The following MTR variants were observed in gnomAD, a reference collection of about 807,000 sequenced individuals.
The protein encoded by MTR is 5-methyltetrahydrofolate-homocysteine methyltransferase, also known as methionine synthase.
In MTR, 84 loss-of-function variants were observed where a neutral mutation model predicts 154.8. The observed-to-expected ratio is 0.54, with a 90% CI of 0.45 to 0.65. The LOEUF is 0.65. Among genes scored for constraint, MTR ranks in the 30% least tolerant of loss-of-function variants. The probability of loss-of-function intolerance (pLI) is 0.00; values close to 1 mark genes in which losing one functional copy is unlikely to be tolerated. For missense variants in MTR, 1,275 were observed against 1,570.2 expected, an observed-to-expected ratio of 0.81 and a Z score of 3.18; for synonymous variants, 554 against 553.9, an observed-to-expected ratio of 1.00 and a Z score of 0.00.
chr1:236,829,984 C>T (rs1430360474), intron 12 of MTR, among the ~76,000 whole-genome samples: 1 of 152,112 alleles, frequency 6.6e-6, no homozygotes, highest in African/African-American at 2.4e-5. Flanking sequence ...GAATTATGTT[C>T]CCTAATAGCT....
chr1:236,808,430 G>A (rs1661109034), intron 3 of MTR, among the ~76,000 whole-genome samples: 1 of 152,108 alleles, frequency 6.6e-6, no homozygotes, highest in Non-Finnish European at 1.5e-5. Flanking sequence ...GTTATTCTCT[G>A]ACATGCTAGA....
chr1:236,829,377 A>G, intron 12 of MTR, 109 bp downstream of exon 12: 1 of 906,004 alleles, frequency 1.1e-6, no homozygotes, highest in Non-Finnish European at 1.9e-6. Context: ...TAGGTCGAAG[A>G]AGAATCCATA....
intron 25 of MTR, 102 bp from the exon 26 acceptor site, chr1:236,885,019 T>C (rs1281027005): frequency 5.2e-6 from 4 of 772,900 alleles, no homozygotes; most frequent in African/African-American, 1.7e-5. Context: ...GGAGAAGAAA[T>C]GAAGTTAAGG....
In MTR at chr1:236,815,775, T is replaced by A. The variant is rs950229690; in HGVS notation, c.669+112T>A. Reference sequence around the variant, plus strand: ...CTATTAATGGTATCTTTAGAACTCATCTACTTTAACTTCCATTGTTCACTT... The same window carrying A: ...CTATTAATGGTATCTTTAGAACTCAACTACTTTAACTTCCATTGTTCACTT... On this transcript the variant is annotated intron_variant, in intron 7 of 32. Coordinates refer to ENST00000366577, the MANE Select transcript of MTR (RefSeq NM_000254.3). The A allele has an allele frequency of 8.2e-5, 86 of 1,051,232 alleles. No individual in the cohort carries two copies. The African/African-American group carries it at 1.2e-3, about 15-fold the overall frequency. The allele number at this position is 1,051,232 out of a possible 1,614,324, so 65.1% of individuals were successfully genotyped here.
chr1:236,894,785 A>G, intron 30 of MTR: 3 of 575,266 alleles, frequency 5.2e-6, no homozygotes, highest in Non-Finnish European at 9.2e-6. Context: ...ATGGTGCCAC[A>G]GTTGGCTGTT....
chr1:236,864,312 T>C (rs3768138), intron 22 of MTR, among the ~76,000 whole-genome samples: 47,700 of 152,132 alleles, frequency 0.31, 9,214 homozygotes, highest in Non-Finnish European at 0.41. Flanking sequence ...ACTGGAGCTA[T>C]CCCTGTACTC....
intron 22 of MTR, among the ~76,000 whole-genome samples, chr1:236,871,866 A>G (rs527695873): frequency 7.2e-4 from 110 of 152,236 alleles, no homozygotes; most frequent in Non-Finnish European, 1.3e-3. Flanking sequence ...AAAAAGTAAT[A>G]TGAGTACAAG....
At chr1:236,837,187 T>C (rs1450475009) in intron 14 of MTR, among the ~76,000 whole-genome samples, 2 of 152,232 alleles carry the variant, frequency 1.3e-5, no homozygotes, top group African/African-American at 2.4e-5. Flanking sequence ...TACACTGGCC[T>C]GGTGTTGTCA....
intron 2 of MTR, among the ~76,000 whole-genome samples, chr1:236,804,622 A>G (rs1230826928): frequency 6.6e-6 from 1 of 152,144 alleles, no homozygotes; most frequent in Admixed American, 6.5e-5. Flanking sequence ...ATTCCTAGGC[A>G]TTAAGTTTAT....
At chr1:236,800,764 C>G (rs1054837203) in intron 1 of MTR, among the ~76,000 whole-genome samples, 1 of 152,192 alleles carries the variant, frequency 6.6e-6, no homozygotes. Context: ...CAGATGTTTA[C>G]TATACATCAA....
At chr1:236,840,635 G>A (rs944837335) in intron 15 of MTR, among the ~76,000 whole-genome samples, 35 of 152,198 alleles carry the variant, frequency 2.3e-4, no homozygotes, top group African/African-American at 8.4e-4. Context: ...GTATAAACGA[G>A]ATTATACCTG....
At position 236,820,587 on chromosome 1, in the gene MTR, TAAAAA is replaced by T. The variant is rs35453692; in HGVS notation, c.765-3519_765-3515del. 4.2e-4 allele frequency: 171 copies of T among 411,074 alleles called. 1 individual carries two copies. Among genetic ancestry groups the T allele is most frequent in the African/African-American group, 3.0e-3 (135 of 45,136 alleles). The allele number at this position is 411,074 out of a possible 1,614,324, so 25.5% of individuals were successfully genotyped here. On this transcript the variant is annotated intron_variant, in intron 8 of 32. Coordinates refer to ENST00000366577, the MANE Select transcript of MTR (RefSeq NM_000254.3). ...TGATGGAAAATAAGCGTCAGTTTCT[TAAAAA>T]AAAAAAAAAAAAGTTTCCGTAAACA...
chr1:236,825,211 T>C (rs1662220188), intron 9 of MTR, 127 bp from the exon 10 acceptor site: 1 of 553,632 alleles, frequency 1.8e-6, no homozygotes, highest in African/African-American at 2.0e-5. Context: ...TATTATGTGT[T>C]TGTTTTTGCA....
intron 11 of MTR, 85 bp from the exon 12 acceptor site, chr1:236,829,104 A>G (rs1662462208): frequency 2.9e-6 from 3 of 1,035,528 alleles, no homozygotes; most frequent in South Asian, 1.3e-5. Context: ...ACTTAATTTT[A>G]TAGTTAAAAT....
chr1:236,864,475 AT>A (rs552903341), intron 22 of MTR, among the ~76,000 whole-genome samples: 3 of 151,200 alleles, frequency 2.0e-5, no homozygotes, highest in Admixed American at 6.6e-5. Context: ...TCAGGAAGGC[AT>A]TTTTTTTTCC....
chr1:236,808,686 TTG>T lies in MTR; in HGVS notation c.340-15_340-14del, dbSNP rs1207348796. 6.2e-7 allele frequency: 1 copy of T among 1,612,768 alleles called. No homozygotes were observed. The highest frequency in any genetic ancestry group is 1.7e-4 in the Middle Eastern group (1 of 6,060). On this transcript the variant is annotated splice_polypyrimidine_tract_variant and intron_variant, in intron 3 of 32. Transcript: ENST00000366577. Reference sequence around the variant, plus strand: ...GAGGAAAAGAAGGACAAGCTAACGTTTGTGGTTGATACGTTAGGCCTACCGGA... The same window carrying T: ...GAGGAAAAGAAGGACAAGCTAACGTTTGGTTGATACGTTAGGCCTACCGGA...
intron 8 of MTR, among the ~76,000 whole-genome samples, chr1:236,823,182 A>G (rs1214809931): frequency 2.6e-5 from 4 of 152,232 alleles, no homozygotes; most frequent in Non-Finnish European, 5.9e-5. Context: ...TGTAAAAACT[A>G]AGAGTATATT....
chr1:236,880,807 G>A lies in MTR; in HGVS notation c.2647G>A (p.Val883Ile), dbSNP rs755016532. The A allele has an allele frequency of 3.1e-6, 5 of 1,614,208 alleles. No individual in the cohort carries two copies. The Admixed American group carries it at 8.3e-5, about 27-fold the overall frequency. Reference protein sequence around the residue: ...APRYSAPVIHVLDASKSVVVC... With the variant: ...APRYSAPVIHILDASKSVVVC... ...GAGATACAGTGCACCTGTAATCCAT[G>A]TCCTGGACGCGTCCAAGAGTGTGGT... Residue 883 changes from valine to isoleucine, a missense_variant, in exon 25 of 33, where the codon GTC (valine) becomes ATC (isoleucine). Val to Ile is a conservative substitution (Grantham distance 29). Transcript: ENST00000366577.
At chr1:236,876,651 A>G (rs1197089659) in intron 24 of MTR, among the ~76,000 whole-genome samples, 1 of 152,196 alleles carries the variant, frequency 6.6e-6, no homozygotes, top group African/African-American at 2.4e-5. Flanking sequence ...TTCTTGTGCA[A>G]ATTGGAACTT....
Sources: gnomAD v4.1 joint callset for allele counts (sites outside exome capture counted in the v4.1 genomes callset) on GRCh38, gnomAD v4.1.1 for gene constraint, MANE v1.5 for transcripts, NCBI Gene and HGNC (gene_info 2026-07-23, HGNC 2026-07-21) for gene names.